Variants in APOL3 observed in about 807,000 individuals in gnomAD.
The protein encoded by APOL3 is apolipoprotein L3.
APOL3 carries 14 observed loss-of-function variants against 11.6 expected under a neutral mutation model. The ratio of observed to expected loss-of-function variants is 1.21; its 90% CI spans 0.80 to 1.89. The LOEUF is 1.89. APOL3 is among the 40% of genes most tolerant of loss of function. The pLI, the probability that APOL3 is intolerant of heterozygous loss-of-function variation, is 0.00. For synonymous variants in APOL3, 192 were observed against 190.6 expected (o/e 1.01, Z -0.06); for missense variants, 483 against 492.1 (o/e 0.98, Z 0.17).
At chr22:36,143,383 G>C (rs941527907) in intron 2 of APOL3, among the ~76,000 whole-genome samples, 7 of 152,234 alleles carry the variant, frequency 4.6e-5, no homozygotes, top group African/African-American at 1.7e-4. Flanking sequence ...TGCAATAACA[G>C]TTATCAGTGA....
intron 1 of APOL3, chr22:36,149,364 C>T (rs759790885): frequency 5.4e-6 from 7 of 1,306,352 alleles, no homozygotes; most frequent in Non-Finnish European, 7.1e-6. Flanking sequence ...AGGCAGGGTC[C>T]TTTTGTCCTG....
At chr22:36,150,694 C>A (rs576087644) in intron 1 of APOL3, among the ~76,000 whole-genome samples, 1 of 152,114 alleles carries the variant, frequency 6.6e-6, no homozygotes, top group Admixed American at 6.5e-5. Context: ...CATAGTGAAA[C>A]CCTGTCTCTA....
At chr22:36,160,930 G>A, upstream of APOL3, 3 of 1,588,980 alleles carry the variant, frequency 1.9e-6, no homozygotes, top group Non-Finnish European at 2.6e-6. Context: ...CCCTCCTGCT[G>A]ATCCAAGAGC....
chr22:36,147,296 A>C (rs1603474824), intron 1 of APOL3, among the ~76,000 whole-genome samples: 1 of 152,066 alleles, frequency 6.6e-6, no homozygotes. Flanking sequence ...CGGGCAGGGG[A>C]GCAAGACCCT....
At chr22:36,165,756 C>T (rs1180071175), upstream of APOL3, 1 of 151,930 alleles carries the variant, frequency 6.6e-6, no homozygotes, top group Non-Finnish European at 1.5e-5. Flanking sequence ...TACAAGAGAG[C>T]AAAAAAGAGA....
exon 3 of APOL3, chr22:36,140,586 G>C (rs1045839973): frequency 2.6e-5 from 4 of 152,460 alleles, no homozygotes; most frequent in Non-Finnish European, 5.8e-5. Context: ...GTTCAAGCAG[G>C]GGACATATAC....
intron 1 of APOL3, chr22:36,159,707 G>A (rs72487616): frequency 6.6e-6 from 1 of 152,182 alleles, no homozygotes; most frequent in Non-Finnish European, 1.5e-5. Context: ...TGAGTGTCAG[G>A]GACATGGAGT....
chr22:36,146,965 A>T (rs1214745985), intron 1 of APOL3, among the ~76,000 whole-genome samples: 1 of 152,082 alleles, frequency 6.6e-6, no homozygotes. Flanking sequence ...TGCCGTGGAC[A>T]CACTTGCGAG....
chr22:36,141,018 T>G (rs1158944568), exon 3 of APOL3: 1 of 815,814 alleles, frequency 1.2e-6, no homozygotes, highest in Non-Finnish European at 1.9e-6. Context: ...TGCCTTCTCC[T>G]TGGTGCACTT....
At chr22:36,150,069 C>T in intron 1 of APOL3, 1 of 359,576 alleles carries the variant, frequency 2.8e-6, no homozygotes, top group African/African-American at 2.1e-5. Context: ...GCCTGAGCCC[C>T]CCAAAGTCCT....
chr22:36,161,064 C>G, upstream of APOL3: 1 of 621,932 alleles, frequency 1.6e-6, no homozygotes, highest in Non-Finnish European at 2.8e-6. Context: ...TTACTCCCCA[C>G]CCCCAATAAC....
chr22:36,149,336 G>T lies in APOL3; in HGVS notation c.224-3737C>A, dbSNP rs560777325. ...AATTCTACTTGCTCCAGCTCCCTCT[G>T]CCCTCACTCTCACACCAAGGCAGGG... On this transcript the variant is annotated intron_variant, in intron 1 of 2. Transcript: ENST00000349314. 3.8e-6 allele frequency: 5 copies of T among 1,306,368 alleles called. No individual in the cohort carries two copies. The South Asian group carries it at 6.1e-5, about 16-fold the overall frequency. 80.9% of individuals were successfully genotyped at this position (1,306,368 alleles called of 1,614,324 possible).
chr22:36,146,857 T>G (rs1234460707), intron 1 of APOL3, among the ~76,000 whole-genome samples: 1 of 152,080 alleles, frequency 6.6e-6, no homozygotes, highest in Non-Finnish European at 1.5e-5. Context: ...CAAAAATGTG[T>G]GGTTTGCAGG....
chr22:36,153,848 G>A (rs762380810), intron 1 of APOL3, among the ~76,000 whole-genome samples: 1 of 152,208 alleles, frequency 6.6e-6, no homozygotes, highest in African/African-American at 2.4e-5. Flanking sequence ...CACTTAGGGA[G>A]CATGAGACAT....
At chr22:36,149,759 A>G (rs1237077982) in intron 1 of APOL3, 2 of 438,442 alleles carry the variant, frequency 4.6e-6, no homozygotes, top group South Asian at 3.2e-5. Context: ...AAAAATATTG[A>G]CTCATGCATA....
intron 1 of APOL3, 145 bp downstream of exon 2, chr22:36,148,901 T>G (rs533580828): frequency 5.3e-6 from 4 of 752,366 alleles, no homozygotes; most frequent in Non-Finnish European, 8.5e-6. Flanking sequence ...GGGGACTCCA[T>G]GTGGCCTCTT....
chr22:36,153,812 T>C (rs1275595450), intron 1 of APOL3, among the ~76,000 whole-genome samples: 1 of 152,132 alleles, frequency 6.6e-6, no homozygotes, highest in African/African-American at 2.4e-5. Flanking sequence ...GTGCCCAAGG[T>C]GGTTGGGGTG....
intron 1 of APOL3, 80 bp downstream of exon 2, chr22:36,148,966 C>T: frequency 7.7e-7 from 1 of 1,301,012 alleles, no homozygotes; most frequent in South Asian, 1.2e-5. Flanking sequence ...TCCTCTGGGG[C>T]TCACTGAGTT....
chr22:36,143,804 G>A (rs80577), intron 2 of APOL3, among the ~76,000 whole-genome samples: 26,192 of 152,202 alleles, frequency 0.17, 2,847 homozygotes, highest in South Asian at 0.39. Flanking sequence ...CTGTGTGCAT[G>A]CCAATGCCAT....
Sources: allele counts gnomAD v4.1 joint callset (sites outside exome capture counted in the v4.1 genomes callset), GRCh38; gene constraint gnomAD v4.1.1; transcripts MANE v1.5; gene names NCBI Gene and HGNC (gene_info 2026-07-23, HGNC 2026-07-21).